The following COL11A2 variants were observed in gnomAD, a reference collection of about 807,000 sequenced individuals.
The protein encoded by COL11A2 is collagen type XI alpha 2 chain.
COL11A2 carries 116 observed loss-of-function variants against 273.4 expected under a neutral mutation model. The observed-to-expected ratio is 0.42, with a 90% CI of 0.36 to 0.49. The LOEUF (loss-of-function observed/expected upper bound fraction) is 0.49. Ranked by LOEUF, COL11A2 falls within the 20% of genes least tolerant of loss-of-function variation. COL11A2 has a pLI of 0.00. For synonymous variants in COL11A2, 782 were observed against 864.2 expected, an observed-to-expected ratio of 0.90 and a Z score of 1.67; for missense variants, 1,866 against 2,309.0, an observed-to-expected ratio of 0.81 and a Z score of 3.93.
chr6:33,189,543 A>C lies in COL11A2; in HGVS notation c.83-74T>G. On this transcript the variant is annotated intron_variant, in intron 1 of 65. Transcript: ENST00000341947. The surrounding 1 kb of genome is among the most constrained non-coding windows in gnomAD (Gnocchi z 5.6). ...CATAAATAGGGGACATTTGGGATCTAGAACTCAGCTTTCCAGGGCTCAAAC... is the reference window on the plus strand; with the variant it reads ...CATAAATAGGGGACATTTGGGATCTCGAACTCAGCTTTCCAGGGCTCAAAC... 6.3e-7 allele frequency: 1 copy of C among 1,587,366 alleles called. No homozygotes were observed. The highest frequency in any genetic ancestry group is 8.6e-7 in the Non-Finnish European group (1 of 1,161,862).
chr6:33,168,925 T>C (rs1472277323), intron 52 of COL11A2, 30 bp downstream of exon 52: 2 of 1,606,824 alleles, frequency 1.2e-6, no homozygotes, highest in Non-Finnish European at 1.7e-6. Flanking sequence ...CCACCCTTTT[T>C]GCCCCTTCCC....
rs759086485 is a variant in COL11A2 at position 33,171,145 on chromosome 6, G to A, written c.3335C>T (p.Pro1112Leu). 1 of 1,596,884 alleles carries A rather than the reference G, an allele frequency of 6.3e-7. No homozygotes were observed. The highest frequency in any genetic ancestry group is 8.5e-7 in the Non-Finnish European group (1 of 1,170,956). ...TCCAGGCTGCCCCACAGGACCAATG[G>A]GTCCAGGGGGTCCAGGAGGGCCCTG... ...GEHGPPGPPG[P>L]IGPVGQPGAA... Residue 1112 changes from proline (P) to leucine (L), a missense_variant, in exon 45 of 66, where the codon CCC (proline) becomes CTC (leucine). Physicochemically the swap from Pro to Leu is moderately conservative, Grantham distance 98. Transcript: ENST00000341947.
chr6:33,189,830 T>C lies in COL11A2; in HGVS notation c.83-361A>G, dbSNP rs1469870026. On this transcript the variant is annotated intron_variant, in intron 1 of 65. Transcript: ENST00000341947. This position sits in a 1 kb window ranked among gnomAD's most constrained non-coding sequence, Gnocchi z 5.6. Reference sequence around the variant, plus strand: ...CTGTCTCTCTCACTCTCTTACTCTCTCTGTCTCTTTATGTTGGTCTTTCTG... The same window carrying C: ...CTGTCTCTCTCACTCTCTTACTCTCCCTGTCTCTTTATGTTGGTCTTTCTG... 6.6e-6 allele frequency among the ~76,000 whole-genome samples: 1 copy of C among 152,186 alleles called. No homozygotes were observed. Among genetic ancestry groups the C allele is most frequent in the Non-Finnish European group, 1.5e-5 (1 of 68,030 alleles).
rs1770515572 is a variant in COL11A2 at position 33,173,929 on chromosome 6, A to G, written c.2530-3T>C. 6.2e-7 allele frequency: 1 copy of G among 1,614,002 alleles called. No homozygotes were observed. Among genetic ancestry groups the G allele is most frequent in the Non-Finnish European group, 8.5e-7 (1 of 1,179,962 alleles). The stretch of plus-strand genomic sequence containing the variant: ...GGTCCCCGCTGACCCCGTGGACCCT[A>G]CAGAGGGAAGAGGAGTTGTCAGAGA... On this transcript the variant is annotated splice_region_variant and splice_polypyrimidine_tract_variant and intron_variant, in intron 33 of 65. Coordinates refer to ENST00000341947, the MANE Select transcript of COL11A2 (RefSeq NM_080680.3). This position sits in a 1 kb window ranked among gnomAD's most constrained non-coding sequence, Gnocchi z 6.3.
chr6:33,192,110 CAG>C, intron 1 of COL11A2, 47 bp downstream of exon 1: 1 of 1,523,020 alleles, frequency 6.6e-7, no homozygotes. Context: ...CAGAGACACT[CAG>C]AGCTCCAGCC....
intron 3 of COL11A2, 52 bp from the exon 4 acceptor site, chr6:33,188,576 G>C: frequency 3.7e-6 from 6 of 1,606,716 alleles, no homozygotes; most frequent in Non-Finnish European, 5.1e-6. Context: ...TGAAGTAGGG[G>C]AGTCAACATG....
Position 33,173,204 on chromosome 6 carries a change from C to G in COL11A2, c.2737-91G>C. Reference sequence around the variant, plus strand: ...AGGAAGGATCCCAGGCAGGATCACACCAAGCCCTGGGCCCTGGGTCTGAGC... The same window carrying G: ...AGGAAGGATCCCAGGCAGGATCACAGCAAGCCCTGGGCCCTGGGTCTGAGC... On this transcript the variant is annotated intron_variant, in intron 37 of 65. Coordinates refer to ENST00000341947, the MANE Select transcript of COL11A2 (RefSeq NM_080680.3). This position sits in a 1 kb window ranked among gnomAD's most constrained non-coding sequence, Gnocchi z 6.3. 6.5e-7 allele frequency: 1 copy of G among 1,546,196 alleles called. No individual in the cohort carries two copies. Among genetic ancestry groups the G allele is most frequent in the Non-Finnish European group, 8.8e-7 (1 of 1,133,254 alleles).
At chr6:33,174,466 A>T in intron 31 of COL11A2, 61 bp downstream of exon 31, 1 of 1,590,630 alleles carries the variant, frequency 6.3e-7, no homozygotes, top group Non-Finnish European at 8.6e-7. Context: ...GGAATCAGGG[A>T]TCAGGGAAGC....
Position 33,173,399 on chromosome 6 carries a change from G to T in COL11A2, c.2685C>A (p.Gly895=), listed in dbSNP as rs1562338043. The T allele has an allele frequency of 6.2e-7, 1 of 1,613,086 alleles. No individual in the cohort carries two copies. Among genetic ancestry groups the T allele is most frequent in the African/African-American group, 1.3e-5 (1 of 75,014 alleles). The change falls in exon 37 of 66, where the codon GGC becomes GGA. Residue 895 remains glycine (G), a splice_region_variant and synonymous_variant. Transcript: ENST00000341947. The surrounding 1 kb of genome is among the most constrained non-coding windows in gnomAD (Gnocchi z 6.3). ...NGFPGPKGPP[G]PPGKDGLPGH... The stretch of plus-strand genomic sequence containing the variant: ...CCGGCAGCCCATCCTTCCCAGGGGG[G>T]CCCTGGAAGGGGTTCAGTTGTCAGG...
In COL11A2 at chr6:33,192,175, C is replaced by G. The variant is rs547630368; in HGVS notation, c.66G>C (p.Ala22=). The G allele has an allele frequency of 1.3e-6, 2 of 1,560,782 alleles. No homozygotes were observed. Among genetic ancestry groups the G allele is most frequent in the Non-Finnish European group, 1.7e-6 (2 of 1,152,242 alleles). The change falls in exon 1 of 66, where the codon GCG becomes GCC. Residue 22 remains alanine (A), a synonymous_variant. Coordinates refer to ENST00000341947, the MANE Select transcript of COL11A2 (RefSeq NM_080680.3). Reference sequence around the variant, plus strand: ...TCCTCTTACCTGCCCAGCCTGGGGCCGCGCTCAGCCCCAGCACCAGAGGTA... The same window carrying G: ...TCCTCTTACCTGCCCAGCCTGGGGCGGCGCTCAGCCCCAGCACCAGAGGTA... ...LLLPLVLGLS[A]APGWAGAPPV... is the part of the protein sequence containing the mutation.
chr6:33,163,322 C>A lies in COL11A2; in HGVS notation c.*356G>T. ...TTTCTCTTTTTTGTTATTTTGCTTTCCACACTTTAAATAATTAATACAATT... is the reference window on the plus strand; with the variant it reads ...TTTCTCTTTTTTGTTATTTTGCTTTACACACTTTAAATAATTAATACAATT... On this transcript the variant is annotated 3_prime_UTR_variant, in exon 66 of 66. Coordinates refer to ENST00000341947, the MANE Select transcript of COL11A2 (RefSeq NM_080680.3). This position sits in a 1 kb window ranked among gnomAD's most constrained non-coding sequence, Gnocchi z 4.1. 6.7e-6 allele frequency: 2 copies of A among 297,824 alleles called. No individual in the cohort carries two copies. The allele number at this position is 297,824 out of a possible 1,614,324, so 18.4% of individuals were successfully genotyped here.
Position 33,184,320 on chromosome 6 carries a change from T to TG in COL11A2, c.943dup (p.Gln315ProfsTer27). ...TGTGGGGGGGACCTGGAGATCTGTC[T>TG]GCTCCTTCCCAGGGATGGGGAGGGA... is the stretch of plus-strand genomic sequence containing the variant. On this transcript the variant is annotated frameshift_variant, in exon 8 of 66. Coordinates refer to ENST00000341947, the MANE Select transcript of COL11A2 (RefSeq NM_080680.3). LOFTEE classifies it high-confidence loss of function. The TG allele has an allele frequency of 7.3e-7, 1 of 1,366,804 alleles. No homozygotes were observed. The highest frequency in any genetic ancestry group is 9.8e-7 in the Non-Finnish European group (1 of 1,021,346). 84.7% of individuals were successfully genotyped at this position (1,366,804 alleles called of 1,614,324 possible). A position where few individuals can be genotyped will look rare whatever the true frequency, so the allele number is the denominator to read the frequency against.
At position 33,176,616 on chromosome 6, in the gene COL11A2, G is replaced by T; in HGVS notation, c.2115+105C>A. On this transcript the variant is annotated intron_variant, in intron 26 of 65. Transcript: ENST00000341947. This position sits in a 1 kb window ranked among gnomAD's most constrained non-coding sequence, Gnocchi z 4.9. ...GTTACGGGGCACAGGAATTGAGAAT[G>T]TGGCAGAGCCATATGAATAATGAGA... 1.4e-6 allele frequency: 2 copies of T among 1,391,698 alleles called. No individual in the cohort carries two copies. Among genetic ancestry groups the T allele is most frequent in the Non-Finnish European group, 1.0e-6 (1 of 989,778 alleles). The allele number at this position is 1,391,698 out of a possible 1,614,324, so 86.2% of individuals were successfully genotyped here.
At chr6:33,183,185 A>C (rs779492293) in intron 8 of COL11A2, among the ~76,000 whole-genome samples, 1 of 152,248 alleles carries the variant, frequency 6.6e-6, no homozygotes, top group Non-Finnish European at 1.5e-5. Context: ...ACTAAGGGAC[A>C]CAGAACAAAA....
chr6:33,164,209 C>T lies in COL11A2; in HGVS notation c.5070+58G>A. 6.3e-7 allele frequency: 1 copy of T among 1,595,454 alleles called. No homozygotes were observed. Among genetic ancestry groups the T allele is most frequent in the Non-Finnish European group, 8.6e-7 (1 of 1,169,190 alleles). ...TGCCCTGCCCAAGGGGTCTTCCCAC[C>T]TCCTTCCTCCAGCCTGAGTCTGAGA... On this transcript the variant is annotated intron_variant, in intron 65 of 65. Coordinates refer to ENST00000341947, the MANE Select transcript of COL11A2 (RefSeq NM_080680.3). This position sits in a 1 kb window ranked among gnomAD's most constrained non-coding sequence, Gnocchi z 4.7.
chr6:33,174,031 G>C lies in COL11A2; in HGVS notation c.2509C>G (p.Arg837Gly). 6.2e-7 allele frequency: 1 copy of C among 1,613,906 alleles called. No homozygotes were observed. The highest frequency in any genetic ancestry group is 8.5e-7 in the Non-Finnish European group (1 of 1,179,968). The stretch of plus-strand genomic sequence containing the variant: ...CTCACCGTGGGGCCCCGTTCTCCCC[G>C]AGGCCCTGACTTCCCCGACAGGCCC... ...ARGLSGKSGP[R>G]GERGPTGPRG... Residue 837 changes from arginine to glycine, a missense_variant, in exon 33 of 66, where the codon CGG becomes GGG. By Grantham distance (125) the Arg-to-Gly change is moderately radical. Coordinates refer to ENST00000341947, the MANE Select transcript of COL11A2 (RefSeq NM_080680.3).
Position 33,177,744 on chromosome 6 carries a change from C to T in COL11A2, c.1873-38G>A, listed in dbSNP as rs930817744. Reference sequence around the variant, plus strand: ...ATGGGTGTGAGCAGCCTGAAGGTGGCCCGGAGGGACCTGTGGTTTTCAGAG... The same window carrying T: ...ATGGGTGTGAGCAGCCTGAAGGTGGTCCGGAGGGACCTGTGGTTTTCAGAG... On this transcript the variant is annotated intron_variant, in intron 21 of 65. Transcript: ENST00000341947. The surrounding 1 kb of genome is among the most constrained non-coding windows in gnomAD (Gnocchi z 5.9). 1.9e-6 allele frequency: 3 copies of T among 1,611,732 alleles called. No individual in the cohort carries two copies. Among genetic ancestry groups the T allele is most frequent in the Non-Finnish European group, 2.5e-6 (3 of 1,179,082 alleles).
In COL11A2 at chr6:33,171,834, T is replaced by C; in HGVS notation, c.3043-14A>G. 1 of 1,612,236 alleles carries C rather than the reference T, an allele frequency of 6.2e-7. No homozygotes were observed. The highest frequency in any genetic ancestry group is 8.5e-7 in the Non-Finnish European group (1 of 1,179,442). ...CCCAGGGGAGCCCTGAGAAAGCAGA[T>C]GGTCAGACCCCCAGGAAGGAGACAC... is the stretch of plus-strand genomic sequence containing the variant. On this transcript the variant is annotated splice_polypyrimidine_tract_variant and intron_variant, in intron 41 of 65. Transcript: ENST00000341947.
chr6:33,180,845 T>C, intron 10 of COL11A2, 115 bp from the exon 11 acceptor site: 1 of 1,553,550 alleles, frequency 6.4e-7, no homozygotes, highest in Non-Finnish European at 8.9e-7. Context: ...GAAGCGTTGA[T>C]TGGAGGGATG....
Sources: gnomAD v4.1 joint callset for allele counts (sites outside exome capture counted in the v4.1 genomes callset) on GRCh38, gnomAD v4.1.1 for gene constraint, Gnocchi (gnomAD v3.1) non-coding constraint, MANE v1.5 for transcripts, NCBI Gene and HGNC (gene_info 2026-07-23, HGNC 2026-07-21) for gene names.